Variants in CAMK1D observed in about 807,000 individuals in gnomAD.
CAMK1D encodes calcium/calmodulin dependent protein kinase ID, also known as calcium/calmodulin-dependent protein kinase type 1D.
Under a neutral mutation model 47.7 loss-of-function variants are expected in CAMK1D, and 9 were observed. The observed-to-expected ratio is 0.19, with a 90% confidence interval of 0.11 to 0.33. The LOEUF is 0.33. CAMK1D is among the 10% of genes least tolerant of loss of function. The probability of loss-of-function intolerance (pLI) is 1.00; values close to 1 mark genes in which losing one functional copy is unlikely to be tolerated. For synonymous variants in CAMK1D, 184 were observed against 184.9 expected (o/e 0.99, Z 0.04); for missense variants, 291 against 488.7 (o/e 0.60, Z 3.81).
chr10:12,466,190 G>A (rs911714506), intron 1 of CAMK1D, among the ~76,000 whole-genome samples: 19 of 151,980 alleles, frequency 1.3e-4, no homozygotes, highest in African/African-American at 3.1e-4. Flanking sequence ...GGCAGATCAC[G>A]AGGTCAGGAG....
intron 2 of CAMK1D, among the ~76,000 whole-genome samples, chr10:12,640,412 G>A (rs561195612): frequency 2.4e-4 from 36 of 152,230 alleles, no homozygotes; most frequent in South Asian, 6.2e-4. Context: ...TAATATCTTC[G>A]TCACAGGTAG....
At chr10:12,465,544 G>A (rs1415747960) in intron 1 of CAMK1D, among the ~76,000 whole-genome samples, 1 of 152,054 alleles carries the variant, frequency 6.6e-6, no homozygotes, top group African/African-American at 2.4e-5. Context: ...TAGTAGAGAT[G>A]GCGTTTCACC....
rs1253649780 is a variant in CAMK1D at position 12,630,245 on chromosome 10, C to T, written c.225-36491C>T. ...CCCAGCATCTTCTCCCTAGTGAGCG[C>T]ATCTTTGTCCTCAAGACCTTCTCTC... On this transcript the variant is annotated intron_variant, in intron 2 of 10. Coordinates refer to ENST00000619168, the MANE Select transcript of CAMK1D (RefSeq NM_153498.4). 2.0e-5 allele frequency among the ~76,000 whole-genome samples: 3 copies of T among 152,334 alleles called. No homozygotes were observed. In the South Asian group the frequency reaches 6.2e-4, roughly 32 times the overall value.
At position 12,512,385 on chromosome 10, in the gene CAMK1D, G is replaced by T. The variant is rs557816522; in HGVS notation, c.93-40840G>T. Among the ~76,000 whole-genome samples, 8 of 152,200 alleles carry T rather than the reference G, an allele frequency of 5.3e-5. No individual in the cohort carries two copies. The East Asian group carries it at 1.5e-3, about 29-fold the overall frequency. Reference sequence around the variant, plus strand: ...GAGTCTCCATCACCAGCAAAAACCTGCTTTACTGTTTATTATTATTATTTT... The same window carrying T: ...GAGTCTCCATCACCAGCAAAAACCTTCTTTACTGTTTATTATTATTATTTT... On this transcript the variant is annotated intron_variant, in intron 1 of 10. Transcript: ENST00000619168.
At chr10:12,404,846 A>G (rs111826604) in intron 1 of CAMK1D, among the ~76,000 whole-genome samples, 1,722 of 151,782 alleles carry the variant, frequency 0.011, 30 homozygotes, top group African/African-American at 0.039. Context: ...GCGCCACCAC[A>G]CCTGGCTAAT....
intron 1 of CAMK1D, among the ~76,000 whole-genome samples, chr10:12,436,644 C>G (rs1832641521): frequency 6.6e-6 from 1 of 152,194 alleles, no homozygotes; most frequent in African/African-American, 2.4e-5. Context: ...TAGCCCATCT[C>G]AGCCCTCATG....
In CAMK1D at chr10:12,662,604, A is replaced by G. The variant is rs1588751806; in HGVS notation, c.225-4132A>G. ...GGGGCGGAGCTTGCAGTGAGCCGAG[A>G]TTGCACCACTGCACTCCAGCCTCGG... On this transcript the variant is annotated intron_variant, in intron 2 of 10. Coordinates refer to ENST00000619168, the MANE Select transcript of CAMK1D (RefSeq NM_153498.4). Among the ~76,000 whole-genome samples the G allele has an allele frequency of 2.7e-5, 4 of 150,768 alleles. No individual in the cohort carries two copies. In the Admixed American group the frequency reaches 2.7e-4, roughly 10 times the overall value.
chr10:12,766,284 C>T (rs1376409394), intron 4 of CAMK1D, among the ~76,000 whole-genome samples: 7 of 150,776 alleles, frequency 4.6e-5, no homozygotes, highest in South Asian at 2.1e-4. Flanking sequence ...GCCCTGGCCC[C>T]GTGCCCTGCC....
chr10:12,491,642 A>G lies in CAMK1D; in HGVS notation c.93-61583A>G, dbSNP rs557972399. ...CCTATGAAGCGGTGAAACACCTCCC[A>G]GTATCGCCGAGAGGATGAACTGAAA... On this transcript the variant is annotated intron_variant, in intron 1 of 10. Coordinates refer to ENST00000619168, the MANE Select transcript of CAMK1D (RefSeq NM_153498.4). Among the ~76,000 whole-genome samples, 11 of 152,170 alleles carry G rather than the reference A, an allele frequency of 7.2e-5. No individual in the cohort carries two copies. The South Asian group carries it at 1.9e-3, about 26-fold the overall frequency.
intron 1 of CAMK1D, among the ~76,000 whole-genome samples, chr10:12,475,808 C>T (rs1357943695): frequency 6.6e-6 from 1 of 152,076 alleles, no homozygotes; most frequent in Non-Finnish European, 1.5e-5. Context: ...AACTGGTTCT[C>T]CTCGCACTTG....
At chr10:12,661,464 T>A (rs1420867966) in intron 2 of CAMK1D, among the ~76,000 whole-genome samples, 2 of 152,228 alleles carry the variant, frequency 1.3e-5, no homozygotes, top group Admixed American at 6.5e-5. Flanking sequence ...TATTTTCTCC[T>A]CTTTTAAAAA....
intron 3 of CAMK1D, among the ~76,000 whole-genome samples, chr10:12,690,934 C>T (rs966462857): frequency 1.3e-5 from 2 of 152,100 alleles, no homozygotes; most frequent in African/African-American, 4.8e-5. Flanking sequence ...CCTGTTATGG[C>T]CACTAGGTGT....
chr10:12,672,032 C>T (rs944823508), intron 3 of CAMK1D, among the ~76,000 whole-genome samples: 6 of 151,550 alleles, frequency 4.0e-5, no homozygotes, highest in Non-Finnish European at 7.4e-5. Flanking sequence ...TCTCCTGCCC[C>T]AGCCTCCCGA....
intron 2 of CAMK1D, among the ~76,000 whole-genome samples, chr10:12,644,522 T>G (rs776313483): frequency 7.2e-5 from 11 of 152,202 alleles, no homozygotes; most frequent in Non-Finnish European, 1.2e-4. Context: ...TTGGCTCTTC[T>G]TAGTTTTCTC....
intron 2 of CAMK1D, among the ~76,000 whole-genome samples, chr10:12,620,416 C>G (rs1243920562): frequency 6.6e-6 from 1 of 152,234 alleles, no homozygotes; most frequent in Admixed American, 6.5e-5. Context: ...TCTCTGCATC[C>G]TCGCCAGGAT....
chr10:12,431,669 G>A (rs1460325798), intron 1 of CAMK1D, among the ~76,000 whole-genome samples: 3 of 152,188 alleles, frequency 2.0e-5, no homozygotes, highest in East Asian at 1.9e-4. Flanking sequence ...AGCTGGGGGC[G>A]TCCGTTCCCT....
intron 1 of CAMK1D, among the ~76,000 whole-genome samples, chr10:12,500,843 C>G (rs550395056): frequency 6.6e-6 from 1 of 152,242 alleles, no homozygotes; most frequent in Admixed American, 6.5e-5. Context: ...ATCAAATTCT[C>G]TTGTTAGCAT....
intron 1 of CAMK1D, among the ~76,000 whole-genome samples, chr10:12,418,395 A>G (rs1839929143): frequency 1.3e-5 from 2 of 152,200 alleles, no homozygotes; most frequent in Admixed American, 1.3e-4. Flanking sequence ...ACTTGAGGCC[A>G]GGAGTTCAAG....
At chr10:12,740,132 TCCTGGGG>T (rs1835365668) in intron 3 of CAMK1D, among the ~76,000 whole-genome samples, 1 of 152,236 alleles carries the variant, frequency 6.6e-6, no homozygotes, top group African/African-American at 2.4e-5. Context: ...CTCAGCTTTT[TCCTGGGG>T]CCTCACCTCT....
Sources: gnomAD v4.1 joint callset for allele counts (sites outside exome capture counted in the v4.1 genomes callset) on GRCh38, gnomAD v4.1.1 for gene constraint, MANE v1.5 for transcripts, NCBI Gene and HGNC (gene_info 2026-07-23, HGNC 2026-07-21) for gene names.